The following GPC5 variants were observed in gnomAD, a reference collection of about 807,000 sequenced individuals.
GPC5 encodes the protein glypican 5, also known as glypican-5.
GPC5 carries 47 observed loss-of-function variants against 53.9 expected under a neutral mutation model. The ratio of observed to expected loss-of-function variants is 0.87; its 90% confidence interval spans 0.69 to 1.11. GPC5 has a LOEUF of 1.11. GPC5 is among the 50% of genes most tolerant of loss of function. The pLI, the probability that GPC5 is intolerant of heterozygous loss-of-function variation, is 0.00. For synonymous variants in GPC5, 286 were observed against 263.3 expected (o/e 1.09, Z -0.84); for missense variants, 748 against 713.1 (o/e 1.05, Z -0.56).
At chr13:91,776,934 G>A (rs1173788572) in intron 5 of GPC5, among the ~76,000 whole-genome samples, 1 of 152,078 alleles carries the variant, frequency 6.6e-6, no homozygotes, top group Admixed American at 6.5e-5. Context: ...TCCTTCAAAA[G>A]CTCTTTTAGC....
chr13:91,702,367 G>C (rs2036011357), intron 3 of GPC5, among the ~76,000 whole-genome samples: 2 of 152,170 alleles, frequency 1.3e-5, no homozygotes, highest in East Asian at 3.9e-4. Context: ...ATCTTGCTAA[G>C]ACTAATGTCA....
At chr13:92,837,072 A>G (rs1344022296) in intron 7 of GPC5, among the ~76,000 whole-genome samples, 1 of 152,204 alleles carries the variant, frequency 6.6e-6, no homozygotes, top group African/African-American at 2.4e-5. Context: ...ATCTAAGGTA[A>G]AAAGAAAACC....
intron 7 of GPC5, among the ~76,000 whole-genome samples, chr13:92,700,255 AT>A (rs36058737): frequency 0.1 from 10,856 of 103,580 alleles, 383 homozygotes; most frequent in South Asian, 0.19. Flanking sequence ...CAACCCCTGC[AT>A]TTTTTTTTTT....
chr13:92,025,803 T>C (rs1160598053), intron 6 of GPC5, among the ~76,000 whole-genome samples: 3 of 152,202 alleles, frequency 2.0e-5, no homozygotes, highest in Non-Finnish European at 2.9e-5. Context: ...ATATTTCTGG[T>C]AATGCATAGC....
chr13:92,770,157 T>A (rs1315180394), intron 7 of GPC5, among the ~76,000 whole-genome samples: 1 of 152,168 alleles, frequency 6.6e-6, no homozygotes, highest in Non-Finnish European at 1.5e-5. Flanking sequence ...CCCATGCCTG[T>A]AATCCCAGCA....
intron 6 of GPC5, among the ~76,000 whole-genome samples, chr13:92,140,363 AC>A (rs1163169993): frequency 6.6e-6 from 1 of 152,164 alleles, no homozygotes; most frequent in Non-Finnish European, 1.5e-5. Context: ...CCAAATTTGA[AC>A]TTTTTTCTTG....
At chr13:92,748,299 T>C (rs1046107892) in intron 7 of GPC5, among the ~76,000 whole-genome samples, 13 of 143,414 alleles carry the variant, frequency 9.1e-5, no homozygotes, top group Non-Finnish European at 1.8e-4. Context: ...GAAACTGACA[T>C]CTGCATTTTA....
At chr13:91,747,534 C>T (rs1437403323) in intron 4 of GPC5, among the ~76,000 whole-genome samples, 2 of 152,218 alleles carry the variant, frequency 1.3e-5, no homozygotes, top group Non-Finnish European at 2.9e-5. Context: ...ACCCCACTGC[C>T]TGCTTCCTGC....
Position 92,497,777 on chromosome 13 carries a change from T to A in GPC5, c.1561+352788T>A, listed in dbSNP as rs548721680. Among the ~76,000 whole-genome samples, 54 of 152,096 alleles carry A rather than the reference T, an allele frequency of 3.6e-4. No homozygotes were observed. In the South Asian group the frequency reaches 8.9e-3, roughly 25 times the overall value. On this transcript the variant is annotated intron_variant, in intron 7 of 7. Transcript: ENST00000377067. ...CCATTTGTCTGTGTCCTCTCTTATT[T>A]CCTTGTAGTTCTACCTAAAAAGGTC...
intron 7 of GPC5, among the ~76,000 whole-genome samples, chr13:92,599,824 A>T (rs1286099169): frequency 1.3e-5 from 2 of 152,112 alleles, no homozygotes; most frequent in African/African-American, 4.8e-5. Flanking sequence ...TGTAAAAAAA[A>T]ATTATTCTGG....
chr13:92,586,593 G>A (rs187179420), intron 7 of GPC5, among the ~76,000 whole-genome samples: 3 of 152,310 alleles, frequency 2.0e-5, no homozygotes, highest in Admixed American at 6.5e-5. Context: ...AAAGACGACT[G>A]AAGAAAAACA....
At chr13:92,803,635 T>C (rs947160893) in intron 7 of GPC5, among the ~76,000 whole-genome samples, 1 of 151,944 alleles carries the variant, frequency 6.6e-6, no homozygotes, top group African/African-American at 2.4e-5. Flanking sequence ...CCACTAATTT[T>C]ATATATCCCT....
chr13:92,738,920 T>C (rs976977316), intron 7 of GPC5, among the ~76,000 whole-genome samples: 2 of 152,122 alleles, frequency 1.3e-5, no homozygotes, highest in African/African-American at 4.8e-5. Flanking sequence ...TAAAACTCAT[T>C]TGACCACAGT....
intron 6 of GPC5, among the ~76,000 whole-genome samples, chr13:91,955,645 A>ATTG (rs2040066281): frequency 6.6e-6 from 1 of 152,102 alleles, no homozygotes; most frequent in Admixed American, 6.5e-5. Context: ...AAGCCCCTCA[A>ATTG]CCCTCATGGG....
intron 7 of GPC5, among the ~76,000 whole-genome samples, chr13:92,530,733 G>T (rs1000457554): frequency 6.6e-6 from 1 of 152,110 alleles, no homozygotes; most frequent in African/African-American, 2.4e-5. Flanking sequence ...ACACCCTCAC[G>T]TGTGAATAAA....
chr13:92,287,853 A>C (rs9523593), intron 7 of GPC5, among the ~76,000 whole-genome samples: 1 of 151,744 alleles, frequency 6.6e-6, no homozygotes, highest in South Asian at 2.1e-4. Flanking sequence ...TATTTTTTTC[A>C]GCTCCTTTTT....
chr13:92,353,631 A>C (rs936063633), intron 7 of GPC5, among the ~76,000 whole-genome samples: 2 of 152,190 alleles, frequency 1.3e-5, no homozygotes, highest in African/African-American at 4.8e-5. Context: ...ATTACTAAGT[A>C]AATAAATATA....
intron 6 of GPC5, among the ~76,000 whole-genome samples, chr13:92,033,025 C>T (rs1338651977): frequency 7.6e-6 from 1 of 132,176 alleles, no homozygotes; most frequent in East Asian, 2.1e-4. Context: ...TCTGCCCGGG[C>T]TAGTTATTGT....
At chr13:91,511,091 G>T (rs972711657) in intron 2 of GPC5, among the ~76,000 whole-genome samples, 3 of 151,980 alleles carry the variant, frequency 2.0e-5, no homozygotes, top group Non-Finnish European at 4.4e-5. Flanking sequence ...ATCTATTTAG[G>T]TTAAATTTGA....
Sources: allele counts gnomAD v4.1 joint callset (sites outside exome capture counted in the v4.1 genomes callset), GRCh38; gene constraint gnomAD v4.1.1; transcripts MANE v1.5; gene names NCBI Gene and HGNC (gene_info 2026-07-23, HGNC 2026-07-21).